Variants in DAD1 observed in about 807,000 individuals in gnomAD.
DAD1 encodes the protein dolichyl-diphosphooligosaccharide--protein glycosyltransferase subunit DAD1.
In DAD1, 4 loss-of-function variants were observed where a neutral mutation model predicts 9.0. That is an observed-to-expected ratio of 0.44 (90% CI 0.22 to 1.01). The LOEUF (loss-of-function observed/expected upper bound fraction) is 1.01. Among genes scored for constraint, DAD1 ranks in the 50% least tolerant of loss-of-function variants. The pLI is 0.24. For synonymous variants in DAD1, 60 were observed against 62.5 expected, an observed-to-expected ratio of 0.96 and a Z score of 0.19; for missense variants, 119 against 137.3, an observed-to-expected ratio of 0.87 and a Z score of 0.67.
rs191912493 is a variant in DAD1 at position 22,566,404 on chromosome 14, G to A, written c.*45-1267C>T. Among the ~76,000 whole-genome samples, 242 of 151,690 alleles carry A rather than the reference G, an allele frequency of 1.6e-3. 1 individual carries two copies. Among genetic ancestry groups the A allele is most frequent in the African/African-American group, 5.5e-3 (229 of 41,310 alleles). ...GGCTGGAGTGCAATGGCGTGATCTC[G>A]GGTCACCGCAACCTCCGCCTCCCGG... is the stretch of plus-strand genomic sequence containing the variant. On this transcript the variant is annotated intron_variant, in intron 2 of 2. Coordinates refer to ENST00000250498, the MANE Select transcript of DAD1 (RefSeq NM_001344.4).
At chr14:22,586,476 CAG>C (rs1255719353) in intron 1 of DAD1, among the ~76,000 whole-genome samples, 1 of 152,078 alleles carries the variant, frequency 6.6e-6, no homozygotes, top group Non-Finnish European at 1.5e-5. Flanking sequence ...ACCTGGGAGA[CAG>C]AGGTTGCAGT....
chr14:22,575,016 C>G (rs45530032), intron 2 of DAD1, 43 bp downstream of exon 2: 1 of 1,518,284 alleles, frequency 6.6e-7, no homozygotes, highest in East Asian at 2.3e-5. Flanking sequence ...ATTTCTCTTC[C>G]TAAAATCAAC....
At chr14:22,578,970 T>C (rs931661018) in intron 1 of DAD1, among the ~76,000 whole-genome samples, 1 of 152,200 alleles carries the variant, frequency 6.6e-6, no homozygotes, top group Non-Finnish European at 1.5e-5. Context: ...GGGTCCGGGC[T>C]GAATGATAAA....
intron 1 of DAD1, among the ~76,000 whole-genome samples, chr14:22,587,272 A>T (rs145210431): frequency 6.6e-6 from 1 of 152,324 alleles, no homozygotes; most frequent in East Asian, 1.9e-4. Context: ...GGTGACTTCT[A>T]CATGGAGAAG....
At chr14:22,581,022 T>C (rs2037112598) in intron 1 of DAD1, among the ~76,000 whole-genome samples, 1 of 152,216 alleles carries the variant, frequency 6.6e-6, no homozygotes, top group Non-Finnish European at 1.5e-5. Context: ...GGAAATTTAC[T>C]ACCTCTTCAA....
chr14:22,574,388 G>A (rs1378424725), intron 2 of DAD1, among the ~76,000 whole-genome samples: 1 of 152,062 alleles, frequency 6.6e-6, no homozygotes, highest in East Asian at 1.9e-4. Context: ...AGCAGAGAGG[G>A]CTTTTCAATT....
intron 1 of DAD1, among the ~76,000 whole-genome samples, chr14:22,575,572 G>C (rs866843826): frequency 1.3e-5 from 2 of 152,194 alleles, no homozygotes; most frequent in Non-Finnish European, 2.9e-5. Context: ...GTCGGGGACA[G>C]AGTCTCGCTC....
chr14:22,575,769 G>T (rs543218146), intron 1 of DAD1, among the ~76,000 whole-genome samples: 1 of 152,096 alleles, frequency 6.6e-6, no homozygotes, highest in African/African-American at 2.4e-5. Context: ...GGCTGGTCTC[G>T]AACTCCTGAC....
At chr14:22,572,414 T>A (rs2037047731) in intron 2 of DAD1, among the ~76,000 whole-genome samples, 1 of 152,158 alleles carries the variant, frequency 6.6e-6, no homozygotes, top group Non-Finnish European at 1.5e-5. Flanking sequence ...GACAGTATAG[T>A]ATAATTCAAA....
chr14:22,578,436 C>T (rs926765007), intron 1 of DAD1, among the ~76,000 whole-genome samples: 3 of 151,908 alleles, frequency 2.0e-5, no homozygotes, highest in Non-Finnish European at 2.9e-5. Context: ...CATGGTGGCA[C>T]GCACCTGTAA....
rs188458011 is a variant in DAD1 at position 22,578,791 on chromosome 14, C to T, written c.212-3558G>A. Among the ~76,000 whole-genome samples, 174 of 152,112 alleles carry T rather than the reference C, an allele frequency of 1.1e-3. 1 individual carries two copies. Among genetic ancestry groups the T allele is most frequent in the South Asian group, 4.4e-3 (21 of 4,818 alleles). On this transcript the variant is annotated intron_variant, in intron 1 of 2. Coordinates refer to ENST00000250498, the MANE Select transcript of DAD1 (RefSeq NM_001344.4). ...TTTATCAAGTTGTACAATTAAATTTCGCACTCTGTTAAAGGAAAAAAAATA... is the reference window on the plus strand; with the variant it reads ...TTTATCAAGTTGTACAATTAAATTTTGCACTCTGTTAAAGGAAAAAAAATA...
rs2044012640 is a variant in DAD1, at chr14:22,575,098, A to G, written c.*5T>C. The G allele has an allele frequency of 1.2e-6, 2 of 1,613,698 alleles. No homozygotes were observed. Among genetic ancestry groups the G allele is most frequent in the African/African-American group, 2.7e-5 (2 of 74,896 alleles). On this transcript the variant is annotated 3_prime_UTR_variant, in exon 2 of 3. Transcript: ENST00000250498. ...CTACTCCTCAATTAAGTAAATGAGAATGATTCAGCCAACAAAGTTCATGAC... is the reference window on the plus strand; with the variant it reads ...CTACTCCTCAATTAAGTAAATGAGAGTGATTCAGCCAACAAAGTTCATGAC...
intron 1 of DAD1, among the ~76,000 whole-genome samples, chr14:22,587,533 A>G (rs2037161800): frequency 6.6e-6 from 1 of 152,210 alleles, no homozygotes; most frequent in South Asian, 2.1e-4. Flanking sequence ...ACCACAGACA[A>G]CTAGGTCTTG....
intron 1 of DAD1, among the ~76,000 whole-genome samples, chr14:22,582,358 C>CAAA (rs558611163): frequency 2.7e-5 from 3 of 111,076 alleles, no homozygotes; most frequent in Non-Finnish European, 6.1e-5. Context: ...CTAAAAAATA[C>CAAA]AAAAAAAAAA....
intron 2 of DAD1, chr14:22,567,189 C>T (rs2037007033): frequency 6.6e-6 from 1 of 152,180 alleles, no homozygotes. Flanking sequence ...AGGCATAACA[C>T]AAAGAACTGT....
intron 2 of DAD1, among the ~76,000 whole-genome samples, chr14:22,569,471 T>C (rs1467689190): frequency 6.6e-6 from 1 of 152,120 alleles, no homozygotes; most frequent in Non-Finnish European, 1.5e-5. Flanking sequence ...ATACACTCAT[T>C]CAACAAACAC....
chr14:22,566,026 T>C (rs2037000255), intron 2 of DAD1, among the ~76,000 whole-genome samples: 1 of 152,228 alleles, frequency 6.6e-6, no homozygotes, highest in Non-Finnish European at 1.5e-5. Context: ...CTACCTTATT[T>C]GGTATATTGG....
chr14:22,578,132 G>C (rs2037090670), intron 1 of DAD1, among the ~76,000 whole-genome samples: 1 of 151,816 alleles, frequency 6.6e-6, no homozygotes, highest in South Asian at 2.1e-4. Context: ...GCATGCCTGT[G>C]ATCCCAGTTG....
intron 1 of DAD1, among the ~76,000 whole-genome samples, chr14:22,582,382 G>A (rs2037123177): frequency 2.7e-5 from 4 of 150,910 alleles, no homozygotes; most frequent in Admixed American, 1.3e-4. Context: ...AAATTAGCCG[G>A]TCATTGTGGC....
Sources: gnomAD v4.1 joint callset for allele counts (sites outside exome capture counted in the v4.1 genomes callset) on GRCh38, gnomAD v4.1.1 for gene constraint, MANE v1.5 for transcripts, NCBI Gene and HGNC (gene_info 2026-07-23, HGNC 2026-07-21) for gene names.